Variants in ADAMTSL1 observed in about 807,000 individuals in gnomAD.
ADAMTSL1 encodes ADAMTS-like protein 1.
ADAMTSL1 carries 126 observed loss-of-function variants against 201.8 expected under a neutral mutation model. The observed-to-expected ratio is 0.62, with a 90% CI of 0.54 to 0.72. ADAMTSL1 has a LOEUF of 0.72. ADAMTSL1 is among the 30% of genes least tolerant of loss of function. The pLI is 0.00. For synonymous variants in ADAMTSL1, 1,121 were observed against 903.4 expected, an observed-to-expected ratio of 1.24 and a Z score of -4.32; for missense variants, 2,679 against 2,277.8, an observed-to-expected ratio of 1.18 and a Z score of -3.59.
intron 1 of ADAMTSL1, among the ~76,000 whole-genome samples, chr9:18,116,768 A>C (rs1021146703): frequency 6.6e-6 from 1 of 152,202 alleles, no homozygotes; most frequent in Non-Finnish European, 1.5e-5. Context: ...CACAACGTGC[A>C]GGTTTGTTAC....
intron 1 of ADAMTSL1, among the ~76,000 whole-genome samples, chr9:18,129,917 A>G (rs74423570): frequency 1.3e-5 from 2 of 152,118 alleles, no homozygotes; most frequent in Non-Finnish European, 1.5e-5. Context: ...AACTGAGAAG[A>G]TGCTTTTAGT....
intron 2 of ADAMTSL1, chr9:18,360,687 G>T (rs149092637): frequency 6.6e-6 from 1 of 152,184 alleles, no homozygotes; most frequent in Non-Finnish European, 1.5e-5. Flanking sequence ...GCAGATGTCA[G>T]TAGCACTCCT....
chr9:18,817,134 A>C lies in ADAMTSL1; in HGVS notation c.3831A>C (p.Arg1277=), dbSNP rs1046389585. The C allele has an allele frequency of 3.1e-6, 5 of 1,606,486 alleles. No individual in the cohort carries two copies. The highest frequency in any genetic ancestry group is 3.4e-5 in the Admixed American group (2 of 59,018). ...GAAAGCCACTAGTGAAAACGTCACG[A>C]ATGACAGTGATCAACACGGAGAAGC... ...LAGKPLVKTS[R]MTVINTEKPA... The change falls in exon 21 of 29, where the codon CGA becomes CGC. Residue 1277 remains arginine, a synonymous_variant. Coordinates refer to ENST00000380548, the MANE Select transcript of ADAMTSL1 (RefSeq NM_001040272.6).
At chr9:18,057,894 T>C (rs937842070) in intron 1 of ADAMTSL1, among the ~76,000 whole-genome samples, 9 of 152,220 alleles carry the variant, frequency 5.9e-5, no homozygotes, top group Non-Finnish European at 1.3e-4. Flanking sequence ...GGTCTCCCTA[T>C]TATCCATCTT....
At chr9:18,327,797 C>T (rs1834885411) in intron 2 of ADAMTSL1, among the ~76,000 whole-genome samples, 1 of 152,156 alleles carries the variant, frequency 6.6e-6, no homozygotes, top group African/African-American at 2.4e-5. Context: ...CAAAATAAAT[C>T]CAATTAGGAA....
intron 1 of ADAMTSL1, among the ~76,000 whole-genome samples, chr9:18,016,326 C>G (rs1163363332): frequency 6.6e-6 from 1 of 152,018 alleles, no homozygotes; most frequent in Admixed American, 6.6e-5. Flanking sequence ...GTCGTGAACT[C>G]TTGGGTCAAG....
rs150044447 is a variant in ADAMTSL1, at chr9:18,890,000, G to A, written c.4643+252G>A. On this transcript the variant is annotated intron_variant, in intron 25 of 28. Coordinates refer to ENST00000380548, the MANE Select transcript of ADAMTSL1 (RefSeq NM_001040272.6). ...CAGCCAGGTTTCCCAAGTCCCTAAC[G>A]GGGTCTGTTCAGGGAGCAAGAGCTT... Among the ~76,000 whole-genome samples the A allele has an allele frequency of 2.3e-4, 35 of 152,172 alleles. 1 individual carries two copies. The East Asian group carries it at 3.9e-3, about 17-fold the overall frequency.
In ADAMTSL1 at chr9:18,906,877, A is replaced by G. The variant is rs1466866561; in HGVS notation, c.5147A>G (p.Asn1716Ser). 3 of 1,613,870 alleles carry G rather than the reference A, an allele frequency of 1.9e-6. No homozygotes were observed. Among genetic ancestry groups the G allele is most frequent in the African/African-American group, 1.3e-5 (1 of 74,948 alleles). Residue 1716 changes from asparagine to serine, a missense_variant, in exon 28 of 29, where the codon AAC becomes AGC. Physicochemically the swap from Asn to Ser is conservative, Grantham distance 46. Transcript: ENST00000380548. The stretch of plus-strand genomic sequence containing the variant: ...TGCTCCTGGGGGCCCCGGCCTGCCA[A>G]CTGGCAGCGCTGCAACATCACCCCA... ...HLCSWGPRPANWQRCNITPCE... is the reference protein window; with the variant it reads ...HLCSWGPRPASWQRCNITPCE...
chr9:18,166,695 C>G (rs890724092), intron 2 of ADAMTSL1, among the ~76,000 whole-genome samples: 4 of 151,928 alleles, frequency 2.6e-5, no homozygotes, highest in Admixed American at 6.6e-5. Flanking sequence ...GGTGAAAGTA[C>G]TGCTATTCTA....
intron 25 of ADAMTSL1, among the ~76,000 whole-genome samples, chr9:18,891,051 T>A (rs1588320949): frequency 6.6e-6 from 1 of 151,972 alleles, no homozygotes; most frequent in African/African-American, 2.4e-5. Context: ...CGTTCAGTCA[T>A]CCCTCCACAA....
intron 1 of ADAMTSL1, among the ~76,000 whole-genome samples, chr9:17,913,711 C>G (rs1189924613): frequency 6.6e-6 from 1 of 152,106 alleles, no homozygotes; most frequent in African/African-American, 2.4e-5. Context: ...AAAAACCCTT[C>G]AAAAAACTGA....
chr9:18,257,605 A>G (rs1831737602), intron 2 of ADAMTSL1, among the ~76,000 whole-genome samples: 1 of 152,236 alleles, frequency 6.6e-6, no homozygotes, highest in Non-Finnish European at 1.5e-5. Flanking sequence ...TACAGCCCCT[A>G]TGAAAAACAG....
intron 9 of ADAMTSL1, among the ~76,000 whole-genome samples, chr9:18,669,860 G>C (rs917390896): frequency 1.3e-5 from 2 of 152,222 alleles, no homozygotes; most frequent in African/African-American, 4.8e-5. Flanking sequence ...GCCAAACCTT[G>C]ATGTAAGGTA....
intron 23 of ADAMTSL1, among the ~76,000 whole-genome samples, chr9:18,831,022 G>T (rs1488277938): frequency 6.6e-6 from 1 of 152,208 alleles, no homozygotes; most frequent in Non-Finnish European, 1.5e-5. Flanking sequence ...TATTGGTGAT[G>T]ACTTATCAAC....
chr9:17,975,809 T>G (rs1381895835), intron 1 of ADAMTSL1, among the ~76,000 whole-genome samples: 1 of 152,138 alleles, frequency 6.6e-6, no homozygotes, highest in East Asian at 1.9e-4. Flanking sequence ...ATCAATGTCA[T>G]AAAGCTTTTC....
intron 1 of ADAMTSL1, among the ~76,000 whole-genome samples, chr9:18,150,210 A>C (rs1351690095): frequency 2.0e-5 from 3 of 152,066 alleles, no homozygotes; most frequent in Non-Finnish European, 4.4e-5. Context: ...TAATTGGTAG[A>C]ATAAGATAGT....
chr9:18,137,890 T>C (rs923697478), intron 1 of ADAMTSL1, among the ~76,000 whole-genome samples: 2 of 152,128 alleles, frequency 1.3e-5, no homozygotes, highest in African/African-American at 4.8e-5. Context: ...AGAGGCATCT[T>C]TGACCTAAGA....
In ADAMTSL1 at chr9:17,940,073, G is replaced by A. The variant is rs141745327; in HGVS notation, c.87+33151G>A. Reference sequence around the variant, plus strand: ...AACAATAGGTGTGGTTAGAATGTAGGGTATGGTAGGAGCAGTAACAAGACA... The same window carrying A: ...AACAATAGGTGTGGTTAGAATGTAGAGTATGGTAGGAGCAGTAACAAGACA... On this transcript the variant is annotated intron_variant, in intron 1 of 29. Transcript: ENST00000680146. 6.6e-5 allele frequency among the ~76,000 whole-genome samples: 10 copies of A among 152,086 alleles called. No homozygotes were observed. In the East Asian group the frequency reaches 1.9e-3, roughly 30 times the overall value.
At chr9:18,798,285 C>G (rs75171034) in intron 20 of ADAMTSL1, among the ~76,000 whole-genome samples, 64 of 152,134 alleles carry the variant, frequency 4.2e-4, no homozygotes, top group African/African-American at 1.4e-3. Context: ...GGGTCTAGGT[C>G]TGTATCCTGG....
Sources: gnomAD v4.1 joint callset for allele counts (sites outside exome capture counted in the v4.1 genomes callset) on GRCh38, gnomAD v4.1.1 for gene constraint, MANE v1.5 for transcripts, NCBI Gene and HGNC (gene_info 2026-07-23, HGNC 2026-07-21) for gene names.